The following MAPKAP1 variants were observed in gnomAD, a reference collection of about 807,000 sequenced individuals.
MAPKAP1 encodes the protein MAPK associated protein 1.
A neutral mutation model predicts 65.7 loss-of-function variants in MAPKAP1; 20 were observed. The ratio of observed to expected loss-of-function variants is 0.30; its 90% CI spans 0.21 to 0.44. The LOEUF (loss-of-function observed/expected upper bound fraction) is 0.44, where lower values mean the gene tolerates loss of function less well. MAPKAP1 is among the 20% of genes least tolerant of loss of function. The pLI is 1.00. For missense variants in MAPKAP1, 423 were observed against 648.0 expected, an observed-to-expected ratio of 0.65 and a Z score of 3.77; for synonymous variants, 222 against 244.3, an observed-to-expected ratio of 0.91 and a Z score of 0.85.
intron 8 of MAPKAP1, among the ~76,000 whole-genome samples, chr9:125,486,630 G>C (rs190554488): frequency 7.4e-4 from 113 of 152,272 alleles, no homozygotes; most frequent in Middle Eastern, 3.4e-3. Context: ...GGAAATTTGT[G>C]TTCTATTTGC....
At chr9:125,642,210 A>C (rs1251751531) in intron 4 of MAPKAP1, among the ~76,000 whole-genome samples, 2 of 152,162 alleles carry the variant, frequency 1.3e-5, no homozygotes, top group South Asian at 2.1e-4. Context: ...CTCAAGAAAA[A>C]AAAAAGGAAA....
At chr9:125,446,542 T>C (rs1852722457) in intron 10 of MAPKAP1, among the ~76,000 whole-genome samples, 1 of 152,120 alleles carries the variant, frequency 6.6e-6, no homozygotes, top group African/African-American at 2.4e-5. Context: ...CATCCCTGTG[T>C]GGAGGAACAA....
At chr9:125,664,356 TA>T (rs968182731) in intron 3 of MAPKAP1, among the ~76,000 whole-genome samples, 1 of 141,256 alleles carries the variant, frequency 7.1e-6, no homozygotes, top group African/African-American at 2.6e-5. Context: ...TCAAAAAAAA[TA>T]AAAAAAAATA....
chr9:125,474,954 C>T (rs963952109), intron 9 of MAPKAP1, among the ~76,000 whole-genome samples: 2 of 152,152 alleles, frequency 1.3e-5, no homozygotes, highest in South Asian at 4.1e-4. Context: ...AACAACTCTT[C>T]GCCAGAGTGG....
At chr9:125,636,504 C>T (rs1833428672) in intron 4 of MAPKAP1, among the ~76,000 whole-genome samples, 1 of 152,238 alleles carries the variant, frequency 6.6e-6, no homozygotes, top group South Asian at 2.1e-4. Context: ...TGCATATTCT[C>T]TAACATGTGA....
At chr9:125,510,907 C>T (rs540372968) in intron 7 of MAPKAP1, among the ~76,000 whole-genome samples, 7 of 152,226 alleles carry the variant, frequency 4.6e-5, no homozygotes, top group African/African-American at 1.7e-4. Flanking sequence ...AGGGTATATA[C>T]GAGAGGCAAT....
At chr9:125,633,126 G>A (rs1406245949) in intron 4 of MAPKAP1, among the ~76,000 whole-genome samples, 1 of 152,194 alleles carries the variant, frequency 6.6e-6, no homozygotes, top group East Asian at 1.9e-4. Flanking sequence ...AAGCTGAAAA[G>A]AGAAGTCTAT....
chr9:125,597,124 G>A (rs1010487183), intron 4 of MAPKAP1, among the ~76,000 whole-genome samples: 21 of 151,954 alleles, frequency 1.4e-4, no homozygotes, highest in East Asian at 1.9e-4. Flanking sequence ...AATTAGCCGG[G>A]CGTGGTGGTG....
intron 5 of MAPKAP1, among the ~76,000 whole-genome samples, chr9:125,563,252 AC>A (rs940297467): frequency 1.3e-5 from 2 of 151,958 alleles, no homozygotes; most frequent in African/African-American, 2.4e-5. Context: ...GCCTCAGGAA[AC>A]CCCCCGATAC....
chr9:125,441,272 A>C (rs565940765), intron 11 of MAPKAP1, among the ~76,000 whole-genome samples: 6 of 152,330 alleles, frequency 3.9e-5, no homozygotes, highest in Admixed American at 2.6e-4. Flanking sequence ...CTGTGGAATT[A>C]GGGACCACCC....
intron 6 of MAPKAP1, among the ~76,000 whole-genome samples, chr9:125,547,078 C>T (rs1443002940): frequency 2.0e-5 from 3 of 152,144 alleles, no homozygotes; most frequent in South Asian, 4.1e-4. Flanking sequence ...AGTCTCGTAA[C>T]CACTGAACGA....
At chr9:125,585,219 A>C (rs1249496422) in intron 5 of MAPKAP1, among the ~76,000 whole-genome samples, 1 of 152,114 alleles carries the variant, frequency 6.6e-6, no homozygotes, top group African/African-American at 2.4e-5. Context: ...ACCAGCTACA[A>C]AGTGCCCAGC....
chr9:125,608,686 G>A (rs950160554), intron 4 of MAPKAP1, among the ~76,000 whole-genome samples: 4 of 152,144 alleles, frequency 2.6e-5, no homozygotes, highest in Non-Finnish European at 4.4e-5. Flanking sequence ...CGACGCCTGC[G>A]CTCAGGGGTT....
Position 125,613,648 on chromosome 9 carries a change from C to T in MAPKAP1, c.499-27921G>A, listed in dbSNP as rs144952676. On this transcript the variant is annotated intron_variant, in intron 4 of 11. Coordinates refer to ENST00000265960, the MANE Select transcript of MAPKAP1 (RefSeq NM_001006617.3). ...AAAACACTCCCTAATACATTTCCTG[C>T]ATGTTAATCTCCATTTCAGAGACTG... is the stretch of plus-strand genomic sequence containing the variant. 1.1e-4 allele frequency among the ~76,000 whole-genome samples: 17 copies of T among 152,274 alleles called. No homozygotes were observed. In the East Asian group the frequency reaches 3.3e-3, roughly 29 times the overall value.
At position 125,462,313 on chromosome 9, in the gene MAPKAP1, C is replaced by T. The variant is rs551436084; in HGVS notation, c.1345+5659G>A. 4.0e-4 allele frequency among the ~76,000 whole-genome samples: 61 copies of T among 152,284 alleles called. No individual in the cohort carries two copies. In the South Asian group the frequency reaches 0.011, roughly 28 times the overall value. On this transcript the variant is annotated intron_variant, in intron 10 of 11. Coordinates refer to ENST00000265960, the MANE Select transcript of MAPKAP1 (RefSeq NM_001006617.3). ...TGGGGGTGAGGAATGCACATACTGGCACATTCAGCCACACATATACATGTG... is the reference window on the plus strand; with the variant it reads ...TGGGGGTGAGGAATGCACATACTGGTACATTCAGCCACACATATACATGTG...
chr9:125,622,492 C>A (rs1185706211), intron 4 of MAPKAP1, among the ~76,000 whole-genome samples: 3 of 152,156 alleles, frequency 2.0e-5, no homozygotes, highest in Non-Finnish European at 4.4e-5. Context: ...GTTGCCCAGG[C>A]TGGAGTGCAG....
intron 9 of MAPKAP1, among the ~76,000 whole-genome samples, chr9:125,469,755 G>T (rs146969078): frequency 4.8e-4 from 73 of 152,350 alleles, no homozygotes; most frequent in African/African-American, 1.3e-3. Flanking sequence ...TTCAGGTCTA[G>T]ATGATTTCAG....
chr9:125,603,096 CAGA>C (rs1564578232), intron 4 of MAPKAP1, among the ~76,000 whole-genome samples: 11 of 151,396 alleles, frequency 7.3e-5, no homozygotes, highest in African/African-American at 2.7e-4. Flanking sequence ...TTTATAGAGA[CAGA>C]GTCTCAATTA....
intron 7 of MAPKAP1, among the ~76,000 whole-genome samples, chr9:125,510,633 G>A (rs1829268779): frequency 1.3e-5 from 2 of 152,154 alleles, no homozygotes; most frequent in Admixed American, 1.3e-4. Context: ...ATCCATCAAA[G>A]CTGAAGAACA....
Sources: gnomAD v4.1 joint callset for allele counts (sites outside exome capture counted in the v4.1 genomes callset) on GRCh38, gnomAD v4.1.1 for gene constraint, MANE v1.5 for transcripts, NCBI Gene and HGNC (gene_info 2026-07-23, HGNC 2026-07-21) for gene names.